The following PES1 variants were observed in gnomAD, a reference collection of about 807,000 sequenced individuals.
The protein encoded by PES1 is pescadillo ribosomal biogenesis factor 1.
In PES1, 31 loss-of-function variants were observed where a neutral mutation model predicts 77.1. That is an observed-to-expected ratio of 0.40 (90% CI 0.30 to 0.54). PES1 has a LOEUF of 0.54. Among genes scored for constraint, PES1 ranks in the 20% least tolerant of loss-of-function variants. The probability of loss-of-function intolerance (pLI) is 0.45; values close to 1 mark genes in which losing one functional copy is unlikely to be tolerated. For missense variants in PES1, 658 were observed against 771.7 expected, an observed-to-expected ratio of 0.85 and a Z score of 1.75; for synonymous variants, 282 against 303.0, an observed-to-expected ratio of 0.93 and a Z score of 0.72.
intron 2 of PES1, chr22:30,605,418 G>C: frequency 1.0e-6 from 1 of 983,154 alleles, no homozygotes; most frequent in Non-Finnish European, 1.2e-6. Context: ...AACTACCTTG[G>C]GGATCAGAAG....
Position 30,588,027 on chromosome 22 carries a change from T to G in PES1, c.252A>C (p.Glu84Asp), listed in dbSNP as rs923467532. 6.2e-7 allele frequency: 1 copy of G among 1,613,656 alleles called. No homozygotes were observed. The change falls in exon 3 of 15, where the codon GAA becomes GAC. Residue 84 changes from glutamate to aspartate, a missense_variant. Glu to Asp is a conservative substitution (Grantham distance 45, BLOSUM62 2). Transcript: ENST00000354694. ...LHEPIVNKFR[E>D]YKVFVRKLRK... Reference sequence around the variant, plus strand: ...CCTAGAGCCCAGACCTCACCTTGTATTCACGGAACTTGTTGACAATGGGTT... The same window carrying G: ...CCTAGAGCCCAGACCTCACCTTGTAGTCACGGAACTTGTTGACAATGGGTT...
chr22:30,578,581 C>G (rs1232324212), intron 14 of PES1, among the ~76,000 whole-genome samples: 1 of 152,238 alleles, frequency 6.6e-6, no homozygotes, highest in Admixed American at 6.5e-5. Flanking sequence ...TTGCAGACCC[C>G]AGCAGACTCA....
intron 2 of PES1, among the ~76,000 whole-genome samples, chr22:30,601,261 A>T (rs1049757649): frequency 5.9e-5 from 9 of 152,226 alleles, no homozygotes; most frequent in African/African-American, 2.2e-4. Flanking sequence ...TTGAAAACAC[A>T]ATCTGACACA....
At chr22:30,578,526 C>G (rs974760735) in intron 14 of PES1, among the ~76,000 whole-genome samples, 2 of 152,148 alleles carry the variant, frequency 1.3e-5, no homozygotes, top group Admixed American at 6.5e-5. Context: ...AGCTCCCCCC[C>G]GCCACCCCCG....
Position 30,580,800 on chromosome 22 carries a change from C to T in PES1, c.913-99G>A, listed in dbSNP as rs1336565414. ...CGTCCACTCCAGCTTCCTTCTAGAT[C>T]CTGGATCCTGCCTTCAAAGGAAACT... is the stretch of plus-strand genomic sequence containing the variant. On this transcript the variant is annotated intron_variant, in intron 9 of 14. Transcript: ENST00000354694. The T allele has an allele frequency of 4.5e-6, 7 of 1,545,690 alleles. No individual in the cohort carries two copies. The East Asian group carries it at 1.6e-4, about 35-fold the overall frequency.
chr22:30,598,705 A>G (rs1327256780), intron 2 of PES1, among the ~76,000 whole-genome samples: 2 of 152,072 alleles, frequency 1.3e-5, no homozygotes, highest in Non-Finnish European at 2.9e-5. Flanking sequence ...TTAGGGTTAC[A>G]GGCATGAACC....
At chr22:30,589,501 C>T (rs568447356) in intron 1 of PES1, among the ~76,000 whole-genome samples, 4 of 152,274 alleles carry the variant, frequency 2.6e-5, no homozygotes, top group South Asian at 2.1e-4. Context: ...CTGAGGGCTG[C>T]GAGGCTGCTA....
In PES1 at chr22:30,576,966, C is replaced by G. The variant is rs929659929; in HGVS notation, c.*80G>C. ...AGGAGGAGAAGTGACTCTGGTCCAT[C>G]ACACTTAGGTCCTCTGGCCTGCCTC... On this transcript the variant is annotated 3_prime_UTR_variant, in exon 15 of 15. Coordinates refer to ENST00000354694, the MANE Select transcript of PES1 (RefSeq NM_014303.4). 7.1e-5 allele frequency: 82 copies of G among 1,158,634 alleles called. No individual in the cohort carries two copies. Among genetic ancestry groups the G allele is most frequent in the Non-Finnish European group, 1.0e-4 (79 of 767,574 alleles). The allele number at this position is 1,158,634 out of a possible 1,614,324, so 71.8% of individuals were successfully genotyped here.
At chr22:30,598,311 C>G (rs1042305068) in intron 2 of PES1, 2 of 152,206 alleles carry the variant, frequency 1.3e-5, no homozygotes, top group Admixed American at 6.6e-5. Context: ...CCGGACATGC[C>G]GTCTTTAAGA....
intron 4 of PES1, chr22:30,585,176 T>C (rs1036368087): frequency 1.3e-5 from 6 of 448,942 alleles, no homozygotes; most frequent in Non-Finnish European, 2.8e-5. Context: ...CACTTATGAC[T>C]GGGCCTGGCC....
At chr22:30,594,828 T>A (rs1015577105), upstream of PES1, among the ~76,000 whole-genome samples, 1 of 152,092 alleles carries the variant, frequency 6.6e-6, no homozygotes, top group Non-Finnish European at 1.5e-5. Flanking sequence ...TTATTTTTAA[T>A]TAGCTGGTGT....
chr22:30,597,191 G>A (rs574138322), intron 2 of PES1, among the ~76,000 whole-genome samples: 64 of 152,100 alleles, frequency 4.2e-4, no homozygotes, highest in African/African-American at 1.4e-3. Flanking sequence ...CCCAACGAGC[G>A]CCGCCCCCTG....
chr22:30,579,871 CT>C lies in PES1; in HGVS notation c.1233del (p.Glu412SerfsTer16). On this transcript the variant is annotated frameshift_variant, in exon 12 of 15. Coordinates refer to ENST00000354694, the MANE Select transcript of PES1 (RefSeq NM_014303.4). LOFTEE classifies it high-confidence loss of function. ...SVNARLLLPV[A>X]EYFSGVQLPP... is the part of the protein sequence containing the mutation. ...GGCAGCTGCACCCCAGAGAAGTACT[CT>C]GCCACGGGGAGAAGGAGCCTGGCGT... is the stretch of plus-strand genomic sequence containing the variant. The C allele has an allele frequency of 6.2e-7, 1 of 1,614,182 alleles. No individual in the cohort carries two copies. The highest frequency in any genetic ancestry group is 8.5e-7 in the Non-Finnish European group (1 of 1,180,032).
At chr22:30,601,266 G>C (rs1435552602) in intron 2 of PES1, among the ~76,000 whole-genome samples, 2 of 152,068 alleles carry the variant, frequency 1.3e-5, no homozygotes, top group African/African-American at 2.4e-5. Flanking sequence ...AACACAATCT[G>C]ACACATCCTC....
upstream of PES1, chr22:30,592,083 AC>A: frequency 7.6e-7 from 1 of 1,323,714 alleles, no homozygotes; most frequent in Non-Finnish European, 9.6e-7. Flanking sequence ...GGTTACAAAC[AC>A]TTTAAGTGTT....
chr22:30,591,949 G>A, upstream of PES1: 1 of 1,437,732 alleles, frequency 7.0e-7, no homozygotes, highest in East Asian at 2.7e-5. Context: ...CTGTTTGTGC[G>A]GGCTGCCCAA....
chr22:30,602,488 C>T (rs1417495244), intron 2 of PES1, among the ~76,000 whole-genome samples: 1 of 150,390 alleles, frequency 6.6e-6, no homozygotes, highest in African/African-American at 2.5e-5. Context: ...TCCCAACGTG[C>T]TGCGATTACA....
chr22:30,584,108 A>T, intron 6 of PES1: 1 of 527,068 alleles, frequency 1.9e-6, no homozygotes, highest in Non-Finnish European at 3.5e-6. Flanking sequence ...GGGTGTAGAC[A>T]CTGTTAACTG....
Position 30,581,282 on chromosome 22 carries a change from A to C in PES1, c.822+52T>G, listed in dbSNP as rs527836310. 1.5e-5 allele frequency: 24 copies of C among 1,576,992 alleles called. 1 individual carries two copies. The South Asian group carries it at 2.7e-4, about 18-fold the overall frequency. On this transcript the variant is annotated intron_variant, in intron 8 of 14. Transcript: ENST00000354694. ...AACCAGACCCCCAGAGGTGTTGGGG[A>C]CAGAGACCACTCCCTTGGGAGATGC...
Sources: allele counts gnomAD v4.1 joint callset (sites outside exome capture counted in the v4.1 genomes callset), GRCh38; gene constraint gnomAD v4.1.1; transcripts MANE v1.5; gene names NCBI Gene and HGNC (gene_info 2026-07-23, HGNC 2026-07-21).